Variants in SULF2 observed in about 807,000 individuals in gnomAD.
The protein encoded by SULF2 is extracellular sulfatase Sulf-2.
Under a neutral mutation model 107.7 loss-of-function variants are expected in SULF2, and 52 were observed. The observed-to-expected ratio is 0.48, with a 90% CI of 0.39 to 0.61. The LOEUF is 0.61. SULF2 is among the 20% of genes least tolerant of loss of function. The pLI, the probability that SULF2 is intolerant of heterozygous loss-of-function variation, is 0.00. For missense variants in SULF2, 993 were observed against 1,177.3 expected, an observed-to-expected ratio of 0.84 and a Z score of 2.29; for synonymous variants, 460 against 464.3, an observed-to-expected ratio of 0.99 and a Z score of 0.12.
chr20:47,784,614 C>A (rs534139179), intron 1 of SULF2, among the ~76,000 whole-genome samples: 4 of 152,288 alleles, frequency 2.6e-5, no homozygotes, highest in Admixed American at 2.6e-4. Context: ...GGAGCCAGAT[C>A]CTGTTCAGCC....
At chr20:47,764,679 C>CT (rs1389595166) in intron 1 of SULF2, among the ~76,000 whole-genome samples, 1 of 152,134 alleles carries the variant, frequency 6.6e-6, no homozygotes, top group African/African-American at 2.4e-5. Context: ...AGAGAGGATG[C>CT]TGGTGACAAT....
At chr20:47,759,361 C>T (rs2090366591) in intron 1 of SULF2, among the ~76,000 whole-genome samples, 2 of 152,210 alleles carry the variant, frequency 1.3e-5, no homozygotes, top group South Asian at 4.1e-4. Context: ...AGTCAAGCTT[C>T]TCTTTGCCCC....
chr20:47,745,382 G>GAAAA (rs1158560282), intron 2 of SULF2, among the ~76,000 whole-genome samples: 8 of 52,044 alleles, frequency 1.5e-4, no homozygotes, highest in Non-Finnish European at 2.9e-4. Context: ...AGTTTTGAGG[G>GAAAA]AAAAAAAAAA....
chr20:47,717,477 G>C (rs2089159609), intron 3 of SULF2, among the ~76,000 whole-genome samples: 1 of 152,200 alleles, frequency 6.6e-6, no homozygotes, highest in Non-Finnish European at 1.5e-5. Context: ...GACGCAGAGA[G>C]GCAGGGAAGA....
At chr20:47,742,832 C>A (rs943802824) in intron 2 of SULF2, among the ~76,000 whole-genome samples, 1 of 151,234 alleles carries the variant, frequency 6.6e-6, no homozygotes, top group African/African-American at 2.4e-5. Flanking sequence ...ATAGGAAATG[C>A]TGAATGAATT....
At chr20:47,700,662 T>C (rs1007299900) in intron 4 of SULF2, among the ~76,000 whole-genome samples, 2 of 151,386 alleles carry the variant, frequency 1.3e-5, no homozygotes, top group Admixed American at 1.3e-4. Flanking sequence ...TTTTTCTTTT[T>C]TGAGATGGAG....
chr20:47,713,981 G>A (rs1017503391), intron 3 of SULF2, among the ~76,000 whole-genome samples: 2 of 151,902 alleles, frequency 1.3e-5, no homozygotes, highest in Admixed American at 6.6e-5. Context: ...CAGTGAAGTC[G>A]GCTGAGCATG....
chr20:47,699,031 C>CA (rs907336801), intron 4 of SULF2, among the ~76,000 whole-genome samples: 30 of 152,094 alleles, frequency 2.0e-4, no homozygotes, highest in African/African-American at 6.7e-4. Flanking sequence ...AACTCTGTCT[C>CA]AAAAAACAAA....
chr20:47,673,917 G>A (rs1297387463), intron 10 of SULF2, among the ~76,000 whole-genome samples: 3 of 152,192 alleles, frequency 2.0e-5, no homozygotes, highest in African/African-American at 7.2e-5. Flanking sequence ...GCAGCCTCCT[G>A]TCCACTTAGC....
chr20:47,778,435 C>T (rs550820360), intron 1 of SULF2, among the ~76,000 whole-genome samples: 5 of 152,354 alleles, frequency 3.3e-5, no homozygotes, highest in South Asian at 2.1e-4. Flanking sequence ...TGTAAGATGA[C>T]GCTCCATGGC....
At chr20:47,665,711 C>T (rs2087241626) in intron 13 of SULF2, 146 bp downstream of exon 13, 2 of 663,814 alleles carry the variant, frequency 3.0e-6, no homozygotes, top group South Asian at 3.6e-5. Context: ...TGACACCTAT[C>T]CCCGCGTTGA....
intron 3 of SULF2, among the ~76,000 whole-genome samples, chr20:47,735,055 TA>T (rs1481548428): frequency 6.6e-6 from 1 of 152,224 alleles, no homozygotes; most frequent in African/African-American, 2.4e-5. Context: ...TGATGAATAC[TA>T]TTTCCATGCC....
intron 1 of SULF2, among the ~76,000 whole-genome samples, chr20:47,784,497 G>A (rs1303544014): frequency 6.6e-6 from 1 of 151,652 alleles, no homozygotes; most frequent in African/African-American, 2.4e-5. Context: ...GCGGACCGAG[G>A]CCAGTGTGCA....
At chr20:47,674,607 T>G (rs1378474609) in intron 10 of SULF2, among the ~76,000 whole-genome samples, 1 of 152,194 alleles carries the variant, frequency 6.6e-6, no homozygotes, top group African/African-American at 2.4e-5. Context: ...GCCCTTAGGA[T>G]GTCCCCGTGT....
At chr20:47,708,980 TTCAG>T (rs2146632565) in intron 3 of SULF2, among the ~76,000 whole-genome samples, 1 of 152,312 alleles carries the variant, frequency 6.6e-6, no homozygotes, top group African/African-American at 2.4e-5. Context: ...AAAACAGGGC[TTCAG>T]TCAGAGGCTT....
At chr20:47,769,883 C>G (rs1336225732) in intron 1 of SULF2, among the ~76,000 whole-genome samples, 1 of 151,726 alleles carries the variant, frequency 6.6e-6, no homozygotes, top group Non-Finnish European at 1.5e-5. Flanking sequence ...GGGAACATGC[C>G]TTGTGGATAT....
chr20:47,687,938 G>A (rs1333266321), intron 5 of SULF2, among the ~76,000 whole-genome samples: 1 of 151,916 alleles, frequency 6.6e-6, no homozygotes, highest in Non-Finnish European at 1.5e-5. Context: ...GTTTCATTGT[G>A]TGTATCTGCT....
At chr20:47,782,711 A>G (rs1462146733) in intron 1 of SULF2, among the ~76,000 whole-genome samples, 3 of 152,096 alleles carry the variant, frequency 2.0e-5, no homozygotes, top group Admixed American at 2.0e-4. Context: ...TTCCCTTTGC[A>G]TTTTGACTGG....
intron 4 of SULF2, among the ~76,000 whole-genome samples, chr20:47,693,159 A>C (rs747573066): frequency 2.0e-5 from 3 of 152,270 alleles, no homozygotes; most frequent in Non-Finnish European, 4.4e-5. Flanking sequence ...TATAAATCAA[A>C]GAGCTGCTGC....
Sources: gnomAD v4.1 joint callset for allele counts (sites outside exome capture counted in the v4.1 genomes callset) on GRCh38, gnomAD v4.1.1 for gene constraint, MANE v1.5 for transcripts, NCBI Gene and HGNC (gene_info 2026-07-23, HGNC 2026-07-21) for gene names.